The following LCTL variants were observed in gnomAD, a reference collection of about 807,000 sequenced individuals.
The protein encoded by LCTL is lactase like, also known as lactase-like protein.
Under a neutral mutation model 75.8 loss-of-function variants are expected in LCTL, and 76 were observed. The ratio of observed to expected loss-of-function variants is 1.00; its 90% CI spans 0.83 to 1.21. LCTL has a LOEUF of 1.21. Among genes scored for constraint, LCTL ranks in the 50% most tolerant of loss-of-function variants. The probability of loss-of-function intolerance (pLI) is 0.00; values close to 1 mark genes in which losing one functional copy is unlikely to be tolerated. For synonymous variants in LCTL, 271 were observed against 268.8 expected (o/e 1.01, Z -0.08); for missense variants, 670 against 712.4 (o/e 0.94, Z 0.68).
chr15:66,559,657 G>A (rs1395992710), intron 6 of LCTL, among the ~76,000 whole-genome samples: 3 of 152,150 alleles, frequency 2.0e-5, no homozygotes, highest in African/African-American at 7.2e-5. Context: ...GCAGTGAGCC[G>A]AGATCGTGCC....
At chr15:66,563,116 T>C (rs1253732728) in intron 4 of LCTL, among the ~76,000 whole-genome samples, 1 of 152,038 alleles carries the variant, frequency 6.6e-6, no homozygotes, top group Non-Finnish European at 1.5e-5. Flanking sequence ...CTTTGGCAGG[T>C]GATTGAGTCA....
chr15:66,564,030 C>T, intron 2 of LCTL, 32 bp from the exon 4 acceptor site: 1 of 1,452,288 alleles, frequency 6.9e-7, no homozygotes, highest in South Asian at 1.1e-5. Flanking sequence ...GACAGGTCAC[C>T]TGGGCCCTGG....
At chr15:66,565,570 G>A (rs1446645064), upstream of LCTL, 1 of 543,724 alleles carries the variant, frequency 1.8e-6, no homozygotes, top group Admixed American at 3.8e-5. Context: ...GAGACTGATG[G>A]GCAAGACTCC....
intron 6 of LCTL, among the ~76,000 whole-genome samples, chr15:66,559,741 C>T (rs1370502871): frequency 6.6e-6 from 1 of 152,112 alleles, no homozygotes; most frequent in Non-Finnish European, 1.5e-5. Flanking sequence ...CTTCAGCTCA[C>T]TACTTTTGAT....
rs116723682 is a variant in LCTL at position 66,561,672 on chromosome 15, A to G, written c.481-357T>C. Among the ~76,000 whole-genome samples the G allele has an allele frequency of 3.1e-3, 477 of 152,332 alleles. 2 individuals are homozygous for G. Among genetic ancestry groups the G allele is most frequent in the African/African-American group, 0.011 (458 of 41,582 alleles). ...CTTTCCCAACCAAAGACATCTGCCCATGACGGCAGAATTCTCCCAAGACTT... is the reference window on the plus strand; with the variant it reads ...CTTTCCCAACCAAAGACATCTGCCCGTGACGGCAGAATTCTCCCAAGACTT... On this transcript the variant is annotated intron_variant, in intron 4 of 12. Coordinates refer to ENST00000341509, the Ensembl canonical transcript of LCTL.
chr15:66,548,242 A>G (rs1895454266), exon 13 of LCTL: 1 of 299,398 alleles, frequency 3.3e-6, no homozygotes, highest in South Asian at 8.5e-5. Context: ...CATAATATAC[A>G]TTCATTATAT....
intron 8 of LCTL, among the ~76,000 whole-genome samples, chr15:66,555,956 G>A (rs1895730691): frequency 6.6e-6 from 1 of 152,174 alleles, no homozygotes; most frequent in South Asian, 2.1e-4. Context: ...ACTGCAGTGA[G>A]ATACAACCTC....
exon 2 of LCTL, chr15:66,564,684 TGTA>T: frequency 6.2e-7 from 1 of 1,612,544 alleles, no homozygotes; most frequent in Non-Finnish European, 8.5e-7. Flanking sequence ...ACCTGGACCT[TGTA>T]GTAGCCGTCA....
chr15:66,563,966 G>C (rs1327588195), exon 3 of LCTL: 7 of 1,613,956 alleles, frequency 4.3e-6, no homozygotes, highest in Non-Finnish European at 5.9e-6. Context: ...GGTAGTGGTT[G>C]ACGTGCAGTT....
intron 4 of LCTL, 76 bp from the exon 6 acceptor site, chr15:66,561,391 G>A (rs1895885644): frequency 1.9e-6 from 3 of 1,548,966 alleles, no homozygotes; most frequent in Admixed American, 3.5e-5. Context: ...CTGTGTGACA[G>A]TCCTCAGACA....
exon 9 of LCTL, chr15:66,553,149 A>G (rs377743795): frequency 6.2e-6 from 10 of 1,611,860 alleles, no homozygotes; most frequent in Non-Finnish European, 8.5e-6. Flanking sequence ...ACCGAGTAGT[A>G]AAATGACCTA....
intron 10 of LCTL, 60 bp downstream of exon 11, chr15:66,551,983 T>TA (rs922566033): frequency 1.8e-4 from 289 of 1,577,390 alleles, no homozygotes; most frequent in Non-Finnish European, 2.4e-4. Flanking sequence ...GATTGTGTGT[T>TA]AATCACATTT....
At chr15:66,552,047 T>C (rs1287000154) in exon 10 of LCTL, 4 of 1,609,964 alleles carry the variant, frequency 2.5e-6, no homozygotes, top group Non-Finnish European at 3.4e-6. Flanking sequence ...TCTCACCTTT[T>C]AGCATTTCAT....
intron 6 of LCTL, among the ~76,000 whole-genome samples, 195 bp downstream of exon 7, chr15:66,560,811 T>C (rs1895866053): frequency 6.6e-6 from 1 of 152,182 alleles, no homozygotes; most frequent in Admixed American, 6.5e-5. Context: ...GGAGTCGCTA[T>C]AACAGCTCAG....
exon 11 of LCTL, chr15:66,551,750 T>G (rs1264227344): frequency 1.9e-6 from 3 of 1,613,860 alleles, no homozygotes; most frequent in Non-Finnish European, 2.5e-6. Context: ...ATTTCTGTCG[T>G]TAAATTCAAC....
At chr15:66,548,516 TTAG>T (rs1424500892) in exon 13 of LCTL, 1 of 1,609,844 alleles carries the variant, frequency 6.2e-7, no homozygotes, top group African/African-American at 1.3e-5. Flanking sequence ...AGGAGGAGCA[TTAG>T]TAGAACAGCA....
At chr15:66,556,316 C>G (rs1326289755) in intron 8 of LCTL, among the ~76,000 whole-genome samples, 2 of 151,220 alleles carry the variant, frequency 1.3e-5, no homozygotes, top group East Asian at 1.9e-4. Flanking sequence ...ATTTTTTTTT[C>G]TTTTTCGAGA....
chr15:66,559,644 G>T (rs1050626919), intron 6 of LCTL, among the ~76,000 whole-genome samples: 7 of 152,164 alleles, frequency 4.6e-5, no homozygotes, highest in Non-Finnish European at 1.0e-4. Context: ...GGAGGCAGAG[G>T]TTGCAGTGAG....
chr15:66,553,477 C>T (rs898045936), intron 8 of LCTL, among the ~76,000 whole-genome samples: 29 of 152,166 alleles, frequency 1.9e-4, no homozygotes, highest in Non-Finnish European at 3.2e-4. Flanking sequence ...ATTTTCAGGC[C>T]GGGCGTGGTG....
Sources: gnomAD v4.1 joint callset for allele counts (sites outside exome capture counted in the v4.1 genomes callset) on GRCh38, gnomAD v4.1.1 for gene constraint, MANE v1.5 for transcripts, NCBI Gene and HGNC (gene_info 2026-07-23, HGNC 2026-07-21) for gene names.